PKP4: variants seen among roughly 807,000 people sequenced by gnomAD.
PKP4 encodes the protein plakophilin 4, also known as plakophilin-4.
Under a neutral mutation model 145.1 loss-of-function variants are expected in PKP4, and 90 were observed. That is an observed-to-expected ratio of 0.62 (90% confidence interval 0.52 to 0.74). PKP4 has a LOEUF of 0.74. Among genes scored for constraint, PKP4 ranks in the 30% least tolerant of loss-of-function variants. The pLI is 0.00. For missense variants in PKP4, 1,340 were observed against 1,482.7 expected (o/e 0.90, Z 1.58); for synonymous variants, 563 against 577.2 (o/e 0.98, Z 0.35).
intron 3 of PKP4, among the ~76,000 whole-genome samples, chr2:158,588,511 A>G (rs1346418976): frequency 6.6e-6 from 1 of 152,204 alleles, no homozygotes; most frequent in Non-Finnish European, 1.5e-5. Flanking sequence ...TTTTCTAATG[A>G]GTAATTTGGC....
intron 2 of PKP4, among the ~76,000 whole-genome samples, chr2:158,565,614 A>G (rs182857232): frequency 6.6e-6 from 1 of 152,172 alleles, no homozygotes; most frequent in African/African-American, 2.4e-5. Flanking sequence ...AAAGCAGGAG[A>G]GTCGGAGAAA....
At chr2:158,480,577 A>G (rs1488926632) in intron 1 of PKP4, among the ~76,000 whole-genome samples, 1 of 151,920 alleles carries the variant, frequency 6.6e-6, no homozygotes, top group East Asian at 1.9e-4. Context: ...TTCTACTTAC[A>G]GAAAAATGAT....
At chr2:158,497,510 C>G (rs530053917) in intron 1 of PKP4, among the ~76,000 whole-genome samples, 9 of 152,068 alleles carry the variant, frequency 5.9e-5, no homozygotes, top group Admixed American at 1.3e-4. Flanking sequence ...TTTTAATTCT[C>G]TAAAATCTGG....
chr2:158,566,479 A>AATATATATATATATATATATAT (rs561964313), intron 2 of PKP4, among the ~76,000 whole-genome samples: 1,530 of 151,094 alleles, frequency 0.01, 26 homozygotes, highest in African/African-American at 0.033. Context: ...ATAATTTTGA[A>AATATATATATATATATATATAT]ATATATATAT....
intron 6 of PKP4, among the ~76,000 whole-genome samples, chr2:158,622,632 C>T (rs528730225): frequency 6.6e-6 from 1 of 152,236 alleles, no homozygotes; most frequent in Admixed American, 6.5e-5. Context: ...GGCACTTTTG[C>T]TCAGCAATTC....
intron 2 of PKP4, among the ~76,000 whole-genome samples, chr2:158,539,097 A>T (rs956110936): frequency 1.7e-4 from 26 of 152,290 alleles, no homozygotes; most frequent in African/African-American, 6.3e-4. Context: ...CACTTTCAAT[A>T]TATTTTCTGG....
chr2:158,529,779 C>T (rs1376288515), intron 1 of PKP4, among the ~76,000 whole-genome samples: 2 of 152,114 alleles, frequency 1.3e-5, no homozygotes, highest in African/African-American at 2.4e-5. Context: ...TATTTATTCC[C>T]GTTGTTTTTA....
At chr2:158,507,300 T>C (rs1487628780) in intron 1 of PKP4, among the ~76,000 whole-genome samples, 1 of 152,222 alleles carries the variant, frequency 6.6e-6, no homozygotes, top group Non-Finnish European at 1.5e-5. Context: ...TGTGAAGGTA[T>C]GAAGATGAGT....
At chr2:158,666,821 G>C (rs1407885376) in intron 16 of PKP4, among the ~76,000 whole-genome samples, 1 of 152,154 alleles carries the variant, frequency 6.6e-6, no homozygotes, top group Non-Finnish European at 1.5e-5. Context: ...TACAACACTA[G>C]TAGGGTTAAT....
chr2:158,514,650 T>C (rs1406234964), intron 1 of PKP4, among the ~76,000 whole-genome samples: 2 of 152,168 alleles, frequency 1.3e-5, no homozygotes, highest in African/African-American at 4.8e-5. Context: ...TTTAAAAAAT[T>C]GCAAATTAGC....
chr2:158,585,758 A>G (rs1194330807), intron 3 of PKP4, among the ~76,000 whole-genome samples: 1 of 152,174 alleles, frequency 6.6e-6, no homozygotes, highest in Non-Finnish European at 1.5e-5. Context: ...TTTATAAAAT[A>G]ACTATTTTAT....
Position 158,666,542 on chromosome 2 carries a change from G to T in PKP4, c.2707G>T (p.Val903Phe), listed in dbSNP as rs367613300. 5.0e-6 allele frequency: 8 copies of T among 1,612,462 alleles called. No homozygotes were observed. The highest frequency in any genetic ancestry group is 5.1e-6 in the Non-Finnish European group (6 of 1,179,394). Residue 903 changes from valine (V) to phenylalanine (F), a missense_variant, in exon 16 of 22, where the codon GTT (valine) becomes TTT (phenylalanine). By Grantham distance (50) the Val-to-Phe change is conservative. Coordinates refer to ENST00000389759, the MANE Select transcript of PKP4 (RefSeq NM_003628.6). ...ATALRNMALD[V>F]RNKELIGKYA... Reference sequence around the variant, plus strand: ...AGCCTTGAGGAATATGGCACTAGATGTTCGCAACAAGGAGCTCATAGGTAT... The same window carrying T: ...AGCCTTGAGGAATATGGCACTAGATTTTCGCAACAAGGAGCTCATAGGTAT...
intron 17 of PKP4, 48 bp from the exon 18 acceptor site, chr2:158,673,629 C>G: frequency 7.3e-7 from 1 of 1,367,716 alleles, no homozygotes; most frequent in Non-Finnish European, 1.0e-6. Flanking sequence ...CTGAGTGGGG[C>G]TGAGGCTGTG....
In PKP4 at chr2:158,662,614, G is replaced by A. The variant is rs980519957; in HGVS notation, c.2212-283G>A. 8 of 251,110 alleles carry A rather than the reference G, an allele frequency of 3.2e-5. No homozygotes were observed. In the South Asian group the frequency reaches 3.4e-4, roughly 11 times the overall value. The allele number at this position is 251,110 out of a possible 1,614,324, so 15.6% of individuals were successfully genotyped here. ...CAAGCATCATGGGTGCAGTCTGCAC[G>A]GCAGCAGCCCTGAAGAGAAACACTG... On this transcript the variant is annotated intron_variant, in intron 13 of 21. Coordinates refer to ENST00000389759, the MANE Select transcript of PKP4 (RefSeq NM_003628.6).
At chr2:158,474,212 G>A (rs1351966036) in intron 1 of PKP4, among the ~76,000 whole-genome samples, 3 of 152,230 alleles carry the variant, frequency 2.0e-5, no homozygotes, top group African/African-American at 4.8e-5. Flanking sequence ...CAAAGACAGA[G>A]GGAAGCTCCG....
chr2:158,671,645 G>A (rs1469791200), intron 17 of PKP4, among the ~76,000 whole-genome samples: 1 of 152,210 alleles, frequency 6.6e-6, no homozygotes, highest in Non-Finnish European at 1.5e-5. Flanking sequence ...CCTGCTGTGT[G>A]CCAGACGCTC....
chr2:158,487,806 G>C (rs1694385910), intron 1 of PKP4, among the ~76,000 whole-genome samples: 2 of 151,908 alleles, frequency 1.3e-5, no homozygotes, highest in Admixed American at 1.3e-4. Context: ...GAGAGAGAAG[G>C]GGGAGGGAGG....
At chr2:158,556,855 A>G (rs962593259) in intron 2 of PKP4, among the ~76,000 whole-genome samples, 1 of 152,208 alleles carries the variant, frequency 6.6e-6, no homozygotes, top group Admixed American at 6.5e-5. Flanking sequence ...GAGTAAAGCC[A>G]GGTAGTGAGA....
chr2:158,611,191 AG>A (rs1451798647), intron 4 of PKP4, among the ~76,000 whole-genome samples: 1 of 152,220 alleles, frequency 6.6e-6, no homozygotes, highest in African/African-American at 2.4e-5. Context: ...GGAAGAAAAA[AG>A]ACCATAGTAA....
Sources: gnomAD v4.1 joint callset for allele counts (sites outside exome capture counted in the v4.1 genomes callset) on GRCh38, gnomAD v4.1.1 for gene constraint, MANE v1.5 for transcripts, NCBI Gene and HGNC (gene_info 2026-07-23, HGNC 2026-07-21) for gene names.